Variants in PDZRN3 observed in about 807,000 individuals in gnomAD.
The protein encoded by PDZRN3 is PDZ domain containing ring finger 3.
A neutral mutation model predicts 85.7 loss-of-function variants in PDZRN3; 38 were observed. The ratio of observed to expected loss-of-function variants is 0.44; its 90% CI spans 0.34 to 0.58. The LOEUF is 0.58. Among genes scored for constraint, PDZRN3 ranks in the 20% least tolerant of loss-of-function variants. The pLI is 0.01. For missense variants in PDZRN3, 1,629 were observed against 1,506.4 expected (o/e 1.08, Z -1.35); for synonymous variants, 759 against 638.0 (o/e 1.19, Z -2.86).
At chr3:73,556,577 T>C (rs1701700591) in intron 3 of PDZRN3, 1 of 152,162 alleles carries the variant, frequency 6.6e-6, no homozygotes, top group Admixed American at 6.5e-5. Flanking sequence ...GGATAGAATG[T>C]TGGATAAAAT....
intron 3 of PDZRN3, among the ~76,000 whole-genome samples, chr3:73,576,886 T>TA (rs375530979): frequency 3.4e-4 from 50 of 149,246 alleles, no homozygotes; most frequent in East Asian, 2.5e-3. Context: ...TTAGAATAAG[T>TA]AAAAAAAAAA....
At chr3:73,582,495 T>G (rs1040427481) in intron 3 of PDZRN3, among the ~76,000 whole-genome samples, 7 of 152,122 alleles carry the variant, frequency 4.6e-5, no homozygotes, top group African/African-American at 7.2e-5. Flanking sequence ...TAAAACAAAA[T>G]GTATATTTTA....
chr3:73,402,076 C>A (rs183947721), intron 4 of PDZRN3, among the ~76,000 whole-genome samples: 1 of 152,314 alleles, frequency 6.6e-6, no homozygotes, highest in African/African-American at 2.4e-5. Context: ...ACTTAACATT[C>A]CCCATTCAGT....
rs144007121 is a variant in PDZRN3, at chr3:73,407,997, C to T, written c.919-3602G>A. 446 of 605,766 alleles carry T rather than the reference C, an allele frequency of 7.4e-4. No individual in the cohort carries two copies. In the African/African-American group the frequency reaches 7.4e-3, roughly 10 times the overall value. The allele number at this position is 605,766 out of a possible 1,614,324, so 37.5% of individuals were successfully genotyped here. On this transcript the variant is annotated intron_variant, in intron 3 of 9. Coordinates refer to ENST00000263666, the MANE Select transcript of PDZRN3 (RefSeq NM_015009.3). ...GACTGAGAAATGCCCTGTCATCCCA[C>T]ACAAGAATGTCCCCCCTGCCTACAG...
chr3:73,602,086 A>C (rs139489824), intron 3 of PDZRN3, among the ~76,000 whole-genome samples: 64 of 152,344 alleles, frequency 4.2e-4, no homozygotes, highest in African/African-American at 1.5e-3. Flanking sequence ...CGAAACTGTA[A>C]CTGATGCATA....
chr3:73,474,937 C>T (rs1038377641), intron 3 of PDZRN3, among the ~76,000 whole-genome samples: 1 of 152,118 alleles, frequency 6.6e-6, no homozygotes, highest in African/African-American at 2.4e-5. Context: ...AATGAGAGCA[C>T]AGTGGTTTTT....
intron 3 of PDZRN3, among the ~76,000 whole-genome samples, chr3:73,527,364 A>C (rs538961217): frequency 3.2e-4 from 48 of 152,318 alleles, no homozygotes; most frequent in South Asian, 1.7e-3. Flanking sequence ...CCTAGATCTT[A>C]TCAATTCAAT....
At chr3:73,595,179 T>G (rs796780022) in intron 3 of PDZRN3, among the ~76,000 whole-genome samples, 5 of 152,326 alleles carry the variant, frequency 3.3e-5, no homozygotes, top group African/African-American at 1.2e-4. Flanking sequence ...AGTCCATTAC[T>G]AATAACTGAT....
At chr3:73,423,341 T>C (rs565694682) in intron 3 of PDZRN3, among the ~76,000 whole-genome samples, 25 of 152,330 alleles carry the variant, frequency 1.6e-4, no homozygotes, top group African/African-American at 5.1e-4. Flanking sequence ...AGGGGAATAA[T>C]TGTCATGTGA....
chr3:73,563,475 T>A lies in PDZRN3; in HGVS notation c.918+38879A>T, dbSNP rs183271818. 2.2e-3 allele frequency among the ~76,000 whole-genome samples: 328 copies of A among 152,328 alleles called. 1 individual carries two copies. Among genetic ancestry groups the A allele is most frequent in the African/African-American group, 7.5e-3 (313 of 41,582 alleles). ...ACACAGACTAAAACCTTATATTTTT[T>A]AAAAAGTTGCCTGTTTTCTGCATGA... On this transcript the variant is annotated intron_variant, in intron 3 of 9. Coordinates refer to ENST00000263666, the MANE Select transcript of PDZRN3 (RefSeq NM_015009.3).
chr3:73,438,127 C>T (rs545474135), intron 3 of PDZRN3, among the ~76,000 whole-genome samples: 79 of 152,282 alleles, frequency 5.2e-4, no homozygotes, highest in African/African-American at 1.8e-3. Flanking sequence ...CACCATCAGA[C>T]GCCTGCCTCT....
intron 4 of PDZRN3, among the ~76,000 whole-genome samples, chr3:73,401,273 C>T (rs1312210605): frequency 2.6e-5 from 4 of 152,170 alleles, no homozygotes; most frequent in African/African-American, 9.7e-5. Context: ...GAGCCCATCC[C>T]GGAGCCTGCC....
intron 3 of PDZRN3, among the ~76,000 whole-genome samples, chr3:73,465,848 T>C (rs966846709): frequency 6.6e-6 from 1 of 152,252 alleles, no homozygotes; most frequent in Admixed American, 6.5e-5. Context: ...GATTCATTTA[T>C]CTCTCTTTTG....
rs560955397 is a variant in PDZRN3, at chr3:73,395,125, A to ACTT, written c.1255-4012_1255-4010dup. 4.3e-3 allele frequency among the ~76,000 whole-genome samples: 662 copies of ACTT among 152,330 alleles called. 2 individuals carry two copies. The highest frequency in any genetic ancestry group is 0.027 in the Middle Eastern group (8 of 294). On this transcript the variant is annotated intron_variant, in intron 5 of 9. Coordinates refer to ENST00000263666, the MANE Select transcript of PDZRN3 (RefSeq NM_015009.3). Reference sequence around the variant, plus strand: ...GAGGTTGCCTTGAGCAAGTCATTGAACTTCGACAAACTTAGCCATTCTGTG... The same window carrying ACTT: ...GAGGTTGCCTTGAGCAAGTCATTGAACTTCTTCGACAAACTTAGCCATTCTGTG...
intron 3 of PDZRN3, among the ~76,000 whole-genome samples, chr3:73,555,264 T>C (rs543682969): frequency 3.3e-5 from 5 of 152,294 alleles, no homozygotes; most frequent in African/African-American, 1.2e-4. Context: ...ACTTGCCATG[T>C]CACTTGGGAC....
chr3:73,578,785 T>G (rs1010766040), intron 3 of PDZRN3, among the ~76,000 whole-genome samples: 1 of 152,116 alleles, frequency 6.6e-6, no homozygotes. Flanking sequence ...TGCTTGGATA[T>G]GAGAAATGTG....
chr3:73,452,235 C>T (rs1000233731), intron 3 of PDZRN3, among the ~76,000 whole-genome samples: 4 of 152,060 alleles, frequency 2.6e-5, no homozygotes, highest in Admixed American at 1.3e-4. Context: ...TGGGGCTACA[C>T]GACTCAAAGG....
intron 5 of PDZRN3, among the ~76,000 whole-genome samples, chr3:73,396,067 A>G (rs976452463): frequency 6.6e-6 from 1 of 152,158 alleles, no homozygotes; most frequent in African/African-American, 2.4e-5. Flanking sequence ...TACTAAAAAT[A>G]CAAAAATTAG....
intron 3 of PDZRN3, among the ~76,000 whole-genome samples, chr3:73,524,465 C>T (rs182205933): frequency 1.1e-4 from 16 of 152,324 alleles, no homozygotes; most frequent in Admixed American, 8.5e-4. Context: ...AAACAGTGAA[C>T]TCTGAAAGCA....
Sources: allele counts gnomAD v4.1 joint callset (sites outside exome capture counted in the v4.1 genomes callset), GRCh38; gene constraint gnomAD v4.1.1; transcripts MANE v1.5; gene names NCBI Gene and HGNC (gene_info 2026-07-23, HGNC 2026-07-21).